The following BNC2 variants were observed in gnomAD, a reference collection of about 807,000 sequenced individuals.
The protein encoded by BNC2 is zinc finger protein basonuclin-2.
BNC2 carries 20 observed loss-of-function variants against 76.3 expected under a neutral mutation model. The ratio of observed to expected loss-of-function variants is 0.26; its 90% CI spans 0.18 to 0.38. The LOEUF (loss-of-function observed/expected upper bound fraction) is 0.38, where lower values mean the gene tolerates loss of function less well. Ranked by LOEUF, BNC2 falls within the 10% of genes least tolerant of loss-of-function variation. BNC2 has a pLI of 1.00. For missense variants in BNC2, 1,382 were observed against 1,399.8 expected, an observed-to-expected ratio of 0.99 and a Z score of 0.20; for synonymous variants, 582 against 514.8, an observed-to-expected ratio of 1.13 and a Z score of -1.77.
Position 16,409,586 on chromosome 9 carries a change from A to C in BNC2, c.*9403T>G, listed in dbSNP as rs892282931. ...AGAGGTATTTGGACAAAATATGAATAAAATTCCATTTACATCCCCAAACCC... is the reference window on the plus strand; with the variant it reads ...AGAGGTATTTGGACAAAATATGAATCAAATTCCATTTACATCCCCAAACCC... On this transcript the variant is annotated 3_prime_UTR_variant, in exon 7 of 7. Coordinates refer to ENST00000380672, the MANE Select transcript of BNC2 (RefSeq NM_017637.6). 1.0e-4 allele frequency: 16 copies of C among 152,694 alleles called. No individual in the cohort carries two copies. Among genetic ancestry groups the C allele is most frequent in the African/African-American group, 2.9e-4 (12 of 41,468 alleles). The allele number at this position is 152,694 out of a possible 1,614,324, so 9.5% of individuals were successfully genotyped here.
At chr9:16,774,414 A>C (rs1346953102) in intron 1 of BNC2, among the ~76,000 whole-genome samples, 1 of 152,222 alleles carries the variant, frequency 6.6e-6, no homozygotes, top group African/African-American at 2.4e-5. Flanking sequence ...CCATTTAAAA[A>C]TTTCTGTAAC....
In BNC2 at chr9:16,436,786, G is replaced by T. The variant is rs774427355; in HGVS notation, c.1408C>A (p.Arg470=). 1.9e-6 allele frequency: 3 copies of T among 1,614,046 alleles called. No individual in the cohort carries two copies. The highest frequency in any genetic ancestry group is 3.3e-5 in the Admixed American group (2 of 60,008). Residue 470 remains arginine (R), a synonymous_variant, in exon 6 of 7, where the codon CGA becomes AGA. Transcript: ENST00000380672. ...YNAVHLKIKH[R]CTIEGCNMVF... ...ATGTTGCAACCTTCAATGGTGCATC[G>T]ATGTTTGATCTTCAGGTGAACAGCA...
intron 3 of BNC2, among the ~76,000 whole-genome samples, chr9:16,711,510 T>C (rs1330382149): frequency 2.0e-5 from 3 of 152,224 alleles, no homozygotes; most frequent in African/African-American, 7.2e-5. Context: ...AACATACCTC[T>C]AAACTAGAGA....
chr9:16,709,204 G>A (rs1288393302), intron 3 of BNC2, among the ~76,000 whole-genome samples: 1 of 152,118 alleles, frequency 6.6e-6, no homozygotes, highest in Admixed American at 6.5e-5. Flanking sequence ...GAGATGAAGT[G>A]GGGAGGGGAA....
chr9:16,722,308 G>T (rs956415235), intron 3 of BNC2, among the ~76,000 whole-genome samples: 1 of 152,208 alleles, frequency 6.6e-6, no homozygotes, highest in African/African-American at 2.4e-5. Flanking sequence ...TAATTAGTCA[G>T]GGAGGATTTG....
intron 1 of BNC2, among the ~76,000 whole-genome samples, chr9:16,776,143 A>G (rs950163594): frequency 6.6e-6 from 1 of 152,068 alleles, no homozygotes. Flanking sequence ...TGATTTACTT[A>G]TTCATATTTT....
chr9:16,687,048 G>A (rs377424539), intron 3 of BNC2, among the ~76,000 whole-genome samples: 9 of 151,996 alleles, frequency 5.9e-5, no homozygotes, highest in Non-Finnish European at 1.0e-4. Flanking sequence ...ACACTCTTAC[G>A]GAGTATGAGC....
rs368582327 is a variant in BNC2 at position 16,554,817 on chromosome 9, C to T, written c.434-2052G>A. On this transcript the variant is annotated intron_variant, in intron 4 of 6. Transcript: ENST00000380672. ...AGATAGTTCTTTACAAAACAGACTT[C>T]TATGACAACAGCAAATATGAAACTG... Among the ~76,000 whole-genome samples, 3 of 152,238 alleles carry T rather than the reference C, an allele frequency of 2.0e-5. No homozygotes were observed. In the South Asian group the frequency reaches 6.2e-4, roughly 32 times the overall value.
chr9:16,453,291 AT>A (rs1403874313), intron 5 of BNC2, among the ~76,000 whole-genome samples: 1 of 152,054 alleles, frequency 6.6e-6, no homozygotes, highest in Non-Finnish European at 1.5e-5. Context: ...GAAGTGAGTA[AT>A]TTTCGAAGCC....
intron 6 of BNC2, chr9:16,434,875 A>G (rs1319107321): frequency 2.2e-6 from 1 of 460,438 alleles, no homozygotes; most frequent in African/African-American, 2.0e-5. Flanking sequence ...GTGCTCAAAG[A>G]CATTATGAAG....
intron 1 of BNC2, among the ~76,000 whole-genome samples, chr9:16,855,843 C>T (rs1212947860): frequency 7.9e-5 from 12 of 152,096 alleles, no homozygotes; most frequent in South Asian, 4.1e-4. Context: ...CCACCACACC[C>T]GGCCACATCT....
At chr9:16,552,422 A>T in intron 5 of BNC2, 108 bp downstream of exon 5, 3 of 914,524 alleles carry the variant, frequency 3.3e-6, no homozygotes, top group Non-Finnish European at 5.3e-6. Context: ...CGACCACTTT[A>T]ACCAGAGGAG....
intron 3 of BNC2, among the ~76,000 whole-genome samples, chr9:16,607,381 T>C (rs561599047): frequency 2.2e-4 from 34 of 152,212 alleles, no homozygotes; most frequent in African/African-American, 7.9e-4. Flanking sequence ...GAAGTGGCAT[T>C]TAAAAGAAAC....
At chr9:16,657,138 G>A (rs922492633) in intron 3 of BNC2, among the ~76,000 whole-genome samples, 1 of 152,098 alleles carries the variant, frequency 6.6e-6, no homozygotes, top group African/African-American at 2.4e-5. Context: ...TGGAGAAACA[G>A]GTGGGCAGTT....
chr9:16,582,957 G>T, intron 4 of BNC2, 26 bp downstream of exon 4: 1 of 1,454,642 alleles, frequency 6.9e-7, no homozygotes, highest in Non-Finnish European at 9.6e-7. Flanking sequence ...AATAAGAACG[G>T]GAAGAAAAGC....
intron 3 of BNC2, among the ~76,000 whole-genome samples, chr9:16,699,536 C>A (rs1024848930): frequency 1.3e-5 from 2 of 152,084 alleles, no homozygotes; most frequent in African/African-American, 4.8e-5. Flanking sequence ...TTGAAAAGGC[C>A]AAGTATGTAC....
intron 3 of BNC2, among the ~76,000 whole-genome samples, chr9:16,642,610 G>GCGTC (rs1256472727): frequency 6.6e-6 from 1 of 152,186 alleles, no homozygotes; most frequent in Non-Finnish European, 1.5e-5. Context: ...TAGTGGCCAA[G>GCGTC]CGTCCATTTG....
chr9:16,604,989 G>C (rs563978171), intron 3 of BNC2, among the ~76,000 whole-genome samples: 5 of 151,978 alleles, frequency 3.3e-5, no homozygotes, highest in Admixed American at 2.6e-4. Flanking sequence ...CTCCACTCTC[G>C]GGAATTACAC....
In BNC2 at chr9:16,447,358, T is replaced by G. The variant is rs750434749; in HGVS notation, c.670-9834A>C. Among the ~76,000 whole-genome samples, 4 of 152,270 alleles carry G rather than the reference T, an allele frequency of 2.6e-5. No individual in the cohort carries two copies. In the South Asian group the frequency reaches 8.3e-4, roughly 32 times the overall value. On this transcript the variant is annotated intron_variant, in intron 5 of 6. Coordinates refer to ENST00000380672, the MANE Select transcript of BNC2 (RefSeq NM_017637.6). ...CATGTAAAGAGGAGTCATACTAAAATTTGTAAGCCTTACTAAAAACTCAGC... is the reference window on the plus strand; with the variant it reads ...CATGTAAAGAGGAGTCATACTAAAAGTTGTAAGCCTTACTAAAAACTCAGC...
Sources: allele counts gnomAD v4.1 joint callset (sites outside exome capture counted in the v4.1 genomes callset), GRCh38; gene constraint gnomAD v4.1.1; transcripts MANE v1.5; gene names NCBI Gene and HGNC (gene_info 2026-07-23, HGNC 2026-07-21).